Variants in SV2C observed in about 807,000 individuals in gnomAD.
The protein encoded by SV2C is synaptic vesicle glycoprotein 2C.
Under a neutral mutation model 79.7 loss-of-function variants are expected in SV2C, and 49 were observed. The ratio of observed to expected loss-of-function variants is 0.61; its 90% confidence interval spans 0.49 to 0.78. The LOEUF (loss-of-function observed/expected upper bound fraction) is 0.78. Ranked by LOEUF, SV2C falls within the 30% of genes least tolerant of loss-of-function variation. The pLI, the probability that SV2C is intolerant of heterozygous loss-of-function variation, is 0.00. For missense variants in SV2C, 833 were observed against 912.9 expected, an observed-to-expected ratio of 0.91 and a Z score of 1.13; for synonymous variants, 334 against 333.2, an observed-to-expected ratio of 1.00 and a Z score of -0.03.
At chr5:76,190,181 A>T (rs1215239925) in intron 2 of SV2C, among the ~76,000 whole-genome samples, 2 of 152,210 alleles carry the variant, frequency 1.3e-5, no homozygotes, top group Non-Finnish European at 2.9e-5. Flanking sequence ...AGGGAAAATT[A>T]TTTGTAATGC....
At chr5:76,021,876 T>C in the SV2C span, among the ~76,000 whole-genome samples, 3 of 152,180 alleles carry the variant, frequency 2.0e-5, no homozygotes, top group Admixed American at 6.6e-5. Flanking sequence ...TAGGATCTTA[T>C]AGGTGAGTAA....
intron 2 of SV2C, among the ~76,000 whole-genome samples, chr5:76,176,967 T>G (rs1743548548): frequency 6.6e-6 from 1 of 151,670 alleles, no homozygotes; most frequent in South Asian, 2.1e-4. Flanking sequence ...TACAAAAAAT[T>G]AGCCGAGCAC....
At chr5:75,936,146 ACT>A in the SV2C span, among the ~76,000 whole-genome samples, 1 of 152,062 alleles carries the variant, frequency 6.6e-6, no homozygotes, top group Non-Finnish European at 1.5e-5. Flanking sequence ...ATCTTAGGAA[ACT>A]CATGCAATCT....
At chr5:75,957,873 C>T in the SV2C span, among the ~76,000 whole-genome samples, 2 of 151,960 alleles carry the variant, frequency 1.3e-5, no homozygotes, top group African/African-American at 4.8e-5. Flanking sequence ...ATAGACAAGT[C>T]ATTGTATCTT....
the SV2C span, among the ~76,000 whole-genome samples, chr5:75,973,539 G>A: frequency 3.0e-4 from 45 of 151,550 alleles, no homozygotes; most frequent in African/African-American, 1.0e-3. Flanking sequence ...GTAAAGAAAT[G>A]TGTTTTCCAG....
chr5:75,942,081 A>C, the SV2C span, among the ~76,000 whole-genome samples: 271 of 152,260 alleles, frequency 1.8e-3, 2 homozygotes, highest in Admixed American at 0.014. Context: ...AGGTTAAGAG[A>C]GTTCTGGACA....
At chr5:76,048,579 GT>G in the SV2C span, among the ~76,000 whole-genome samples, 1 of 152,080 alleles carries the variant, frequency 6.6e-6, no homozygotes, top group Non-Finnish European at 1.5e-5. Context: ...CTTTAAAAAG[GT>G]GATGAAGTAA....
intron 2 of SV2C, among the ~76,000 whole-genome samples, chr5:76,186,275 C>T (rs111581727): frequency 0.094 from 14,343 of 152,280 alleles, 864 homozygotes; most frequent in Middle Eastern, 0.21. Flanking sequence ...GTACCCAGTT[C>T]CAAAGTCGTT....
the SV2C span, among the ~76,000 whole-genome samples, chr5:75,873,972 A>G: frequency 1.3e-5 from 2 of 152,194 alleles, no homozygotes; most frequent in Non-Finnish European, 1.5e-5. Flanking sequence ...ATTCTACCAG[A>G]CATACAAAGA....
chr5:76,014,888 A>C, the SV2C span, among the ~76,000 whole-genome samples: 1 of 152,252 alleles, frequency 6.6e-6, no homozygotes, highest in Admixed American at 6.5e-5. Flanking sequence ...AAAGTAACAG[A>C]GAAACCAAAG....
At chr5:75,970,743 G>T in the SV2C span, among the ~76,000 whole-genome samples, 1 of 152,092 alleles carries the variant, frequency 6.6e-6, no homozygotes, top group Non-Finnish European at 1.5e-5. Flanking sequence ...TCTACCAGAG[G>T]TACATGGAGG....
At chr5:76,086,667 C>T (rs1369474103) in intron 1 of SV2C, among the ~76,000 whole-genome samples, 1 of 152,182 alleles carries the variant, frequency 6.6e-6, no homozygotes, top group African/African-American at 2.4e-5. Flanking sequence ...AACATTGCCA[C>T]ATTGTTTTCA....
At chr5:75,885,968 C>G in the SV2C span, among the ~76,000 whole-genome samples, 1 of 152,166 alleles carries the variant, frequency 6.6e-6, no homozygotes, top group Admixed American at 6.6e-5. Flanking sequence ...AAAAGCCTCA[C>G]TCAGTTCCGT....
intron 2 of SV2C, among the ~76,000 whole-genome samples, chr5:76,136,624 C>T (rs13188845): frequency 0.13 from 19,893 of 152,068 alleles, 1,586 homozygotes; most frequent in East Asian, 0.3. Flanking sequence ...GATGAAAACT[C>T]ATCTAGGAAT....
At chr5:76,253,283 T>C (rs1746166882) in intron 4 of SV2C, among the ~76,000 whole-genome samples, 1 of 152,176 alleles carries the variant, frequency 6.6e-6, no homozygotes, top group Non-Finnish European at 1.5e-5. Context: ...TTTTGTTTTT[T>C]TATGTTTTTT....
chr5:76,280,929 C>T (rs148933170), intron 4 of SV2C: 309 of 529,070 alleles, frequency 5.8e-4, no homozygotes, highest in African/African-American at 5.5e-3. Flanking sequence ...GCTGAGAGCG[C>T]GACAGGGTCT....
chr5:75,967,076 G>A, the SV2C span, among the ~76,000 whole-genome samples: 21 of 152,156 alleles, frequency 1.4e-4, no homozygotes, highest in Non-Finnish European at 1.3e-4. Flanking sequence ...GCTCATGCCT[G>A]TAATCCCAAT....
chr5:75,976,084 A>T, the SV2C span, among the ~76,000 whole-genome samples: 1 of 152,176 alleles, frequency 6.6e-6, no homozygotes, highest in East Asian at 1.9e-4. Flanking sequence ...ATAGTTAATT[A>T]TAGTTTGAAT....
intron 2 of SV2C, among the ~76,000 whole-genome samples, chr5:76,175,588 C>T (rs1376739597): frequency 6.6e-6 from 1 of 152,174 alleles, no homozygotes. Flanking sequence ...TTCCTGTTTG[C>T]AGCTCGATGT....
Sources: gnomAD v4.1 joint callset for allele counts (sites outside exome capture counted in the v4.1 genomes callset) on GRCh38, gnomAD v4.1.1 for gene constraint, MANE v1.5 for transcripts, NCBI Gene and HGNC (gene_info 2026-07-23, HGNC 2026-07-21) for gene names.